Variants in PFKFB3 observed in about 807,000 individuals in gnomAD.
PFKFB3 encodes the protein 6-phosphofructo-2-kinase/fructose-2,6-biphosphatase 3, also known as 6-phosphofructo-2-kinase/fructose-2,6-bisphosphatase 3.
PFKFB3 carries 33 observed loss-of-function variants against 68.0 expected under a neutral mutation model. The ratio of observed to expected loss-of-function variants is 0.49; its 90% CI spans 0.37 to 0.65. The LOEUF is 0.65. Ranked by LOEUF, PFKFB3 falls within the 30% of genes least tolerant of loss-of-function variation. PFKFB3 has a pLI of 0.00. For synonymous variants in PFKFB3, 315 were observed against 288.2 expected (o/e 1.09, Z -0.94); for missense variants, 586 against 712.2 (o/e 0.82, Z 2.02).
Position 6,217,120 on chromosome 10 carries a change from C to T in PFKFB3, c.442-15C>T, listed in dbSNP as rs761596087. Reference sequence around the variant, plus strand: ...TGGTGTTTGTTTTCTAACATCCCCACCTCACTTCCACCAGGCGTTTTTCAT... The same window carrying T: ...TGGTGTTTGTTTTCTAACATCCCCATCTCACTTCCACCAGGCGTTTTTCAT... On this transcript the variant is annotated splice_polypyrimidine_tract_variant and intron_variant, in intron 5 of 14. Transcript: ENST00000379775. 6 of 1,613,566 alleles carry T rather than the reference C, an allele frequency of 3.7e-6. No individual in the cohort carries two copies. In the East Asian group the frequency reaches 6.7e-5, roughly 18 times the overall value.
chr10:6,147,309 G>A (rs2131667247), intron 1 of PFKFB3, among the ~76,000 whole-genome samples: 1 of 152,338 alleles, frequency 6.6e-6, no homozygotes, highest in South Asian at 2.1e-4. Context: ...ATTGGGAAAT[G>A]AAAAGACTTT....
At chr10:6,224,237 T>C in intron 13 of PFKFB3, 24 bp downstream of exon 13, 3 of 1,610,358 alleles carry the variant, frequency 1.9e-6, no homozygotes, top group Non-Finnish European at 2.5e-6. Context: ...CCAAGCCTCA[T>C]CCTGGCCATC....
chr10:6,220,921 AT>A lies in PFKFB3; in HGVS notation c.831+57del. 1 of 1,471,932 alleles carries A rather than the reference AT, an allele frequency of 6.8e-7. No individual in the cohort carries two copies. The highest frequency in any genetic ancestry group is 9.4e-7 in the Non-Finnish European group (1 of 1,062,794). The allele number at this position is 1,471,932 out of a possible 1,614,324, so 91.2% of individuals were successfully genotyped here. A position where few individuals can be genotyped will look rare whatever the true frequency, so the allele number is the denominator to read the frequency against. ...TGGCTGTAGGGCGGTTGCAGGGTCT[AT>A]AGGGTGGGTGGGGAGCTGTGTGCTG... On this transcript the variant is annotated intron_variant, in intron 8 of 14. Transcript: ENST00000379775. This position sits in a 1 kb window ranked among gnomAD's most constrained non-coding sequence, Gnocchi z 4.1.
At chr10:6,307,223 G>A in the PFKFB3 span, among the ~76,000 whole-genome samples, 17 of 152,004 alleles carry the variant, frequency 1.1e-4, no homozygotes, top group African/African-American at 3.1e-4. Context: ...TGAGGCTCAC[G>A]TTGCAGATTT....
At chr10:6,301,634 A>T in the PFKFB3 span, among the ~76,000 whole-genome samples, 4 of 152,196 alleles carry the variant, frequency 2.6e-5, no homozygotes, top group South Asian at 2.1e-4. Context: ...TGATGGATGT[A>T]ACTGATGACA....
chr10:6,177,091 C>T (rs1052931411), intron 1 of PFKFB3, among the ~76,000 whole-genome samples: 41 of 152,306 alleles, frequency 2.7e-4, no homozygotes, highest in African/African-American at 9.6e-4. Context: ...TCAAGTTCTC[C>T]TGGTCATGCA....
rs1483230481 is a variant in PFKFB3, at chr10:6,215,041, T to A, written c.203-180T>A. 6.6e-6 allele frequency among the ~76,000 whole-genome samples: 1 copy of A among 152,198 alleles called. No individual in the cohort carries two copies. The highest frequency in any genetic ancestry group is 2.4e-5 in the African/African-American group (1 of 41,444). On this transcript the variant is annotated intron_variant, in intron 2 of 14. Transcript: ENST00000379775. The surrounding 1 kb of genome is among the most constrained non-coding windows in gnomAD (Gnocchi z 4.3). Reference sequence around the variant, plus strand: ...TGGGGAAGCCGGGCAGCCTGTGCCCTGCTGTCCTCAGGAGTTGAGGGTAGC... The same window carrying A: ...TGGGGAAGCCGGGCAGCCTGTGCCCAGCTGTCCTCAGGAGTTGAGGGTAGC...
chr10:6,250,595 G>A (rs1455827189), intron 14 of PFKFB3, among the ~76,000 whole-genome samples: 1 of 151,256 alleles, frequency 6.6e-6, no homozygotes, highest in Non-Finnish European at 1.5e-5. Context: ...AAGAGGTGGG[G>A]TCTTTGAGAG....
At chr10:6,320,904 AC>A in the PFKFB3 span, among the ~76,000 whole-genome samples, 1 of 152,092 alleles carries the variant, frequency 6.6e-6, no homozygotes, top group Non-Finnish European at 1.5e-5. Flanking sequence ...GTGGGAAATC[AC>A]CTTGCTGAAG....
intron 1 of PFKFB3, among the ~76,000 whole-genome samples, chr10:6,211,963 G>T (rs983175077): frequency 9.2e-5 from 14 of 152,226 alleles, no homozygotes; most frequent in East Asian, 3.8e-4. Context: ...TGGGGGCTCC[G>T]GCTTACAGAG....
the PFKFB3 span, among the ~76,000 whole-genome samples, chr10:6,279,493 C>G: frequency 3.9e-4 from 60 of 152,248 alleles, no homozygotes; most frequent in African/African-American, 1.4e-3. Flanking sequence ...GGAGGAACAA[C>G]AAGGATCTTG....
At chr10:6,268,053 C>CG in the PFKFB3 span, among the ~76,000 whole-genome samples, 1 of 151,358 alleles carries the variant, frequency 6.6e-6, no homozygotes, top group Non-Finnish European at 1.5e-5. Context: ...GGGCCCTGTG[C>CG]GACGGAGCAG....
At chr10:6,232,261 CG>C (rs929936902) in intron 14 of PFKFB3, among the ~76,000 whole-genome samples, 1 of 58,804 alleles carries the variant, frequency 1.7e-5, no homozygotes, top group Admixed American at 2.0e-4. Context: ...GGGTGGGTGG[CG>C]GGGGGGTTTG....
At chr10:6,224,116 C>T in intron 12 of PFKFB3, 33 bp from the exon 13 acceptor site, 1 of 1,613,526 alleles carries the variant, frequency 6.2e-7, no homozygotes, top group Non-Finnish European at 8.5e-7. Context: ...CCTTTAACAG[C>T]AGCTTCCTCT....
chr10:6,203,478 C>A, intron 1 of PFKFB3, 142 bp downstream of exon 1: 1 of 288,854 alleles, frequency 3.5e-6, no homozygotes, highest in Non-Finnish European at 5.6e-6. Context: ...GAGGCGCGGG[C>A]TGCGCGTCCT....
Position 6,148,820 on chromosome 10 carries a change from G to A in PFKFB3, c.16+3807G>A, listed in dbSNP as rs150021642. 2.3e-3 allele frequency among the ~76,000 whole-genome samples: 343 copies of A among 152,088 alleles called. 1 individual carries two copies. The highest frequency in any genetic ancestry group is 8.0e-3 in the African/African-American group (332 of 41,488). On this transcript the variant is annotated intron_variant, in intron 1 of 14. Transcript: ENST00000379789. ...TGGGCCAGTGTGGTGGCTCATGCCTGTAATCCCAGCACTTTGGGAGGCCGA... is the reference window on the plus strand; with the variant it reads ...TGGGCCAGTGTGGTGGCTCATGCCTATAATCCCAGCACTTTGGGAGGCCGA...
chr10:6,168,068 G>A (rs181432578), intron 1 of PFKFB3, among the ~76,000 whole-genome samples: 1 of 152,326 alleles, frequency 6.6e-6, no homozygotes, highest in Non-Finnish European at 1.5e-5. Flanking sequence ...CTCCAGAGAT[G>A]CTATCTAACC....
rs943882878 is a variant in PFKFB3, at chr10:6,182,085, A to G, written c.17-31538A>G. 2.0e-5 allele frequency among the ~76,000 whole-genome samples: 3 copies of G among 152,298 alleles called. No homozygotes were observed. The South Asian group carries it at 6.2e-4, about 32-fold the overall frequency. ...ACAATTTTATGTATGTTTTGCTACA[A>G]TAAAACAAAAAGCAAAAGATAAGAG... On this transcript the variant is annotated intron_variant, in intron 1 of 14. Coordinates refer to the PFKFB3 transcript ENST00000379789.
intron 1 of PFKFB3, among the ~76,000 whole-genome samples, chr10:6,210,299 A>G (rs2131910568): frequency 8.9e-6 from 1 of 112,828 alleles, no homozygotes; most frequent in East Asian, 2.3e-4. Flanking sequence ...GTCTGAAGGG[A>G]GGGACAGGTG....
Sources: allele counts gnomAD v4.1 joint callset (sites outside exome capture counted in the v4.1 genomes callset), GRCh38; gene constraint gnomAD v4.1.1; non-coding constraint Gnocchi (gnomAD v3.1); transcripts MANE v1.5; gene names NCBI Gene and HGNC (gene_info 2026-07-23, HGNC 2026-07-21).